The following RBMS3 variants were observed in gnomAD, a reference collection of about 807,000 sequenced individuals.
RBMS3 encodes RNA-binding motif, single-stranded-interacting protein 3.
RBMS3 carries 27 observed loss-of-function variants against 66.8 expected under a neutral mutation model. The observed-to-expected ratio is 0.40, with a 90% CI of 0.30 to 0.56. The LOEUF (loss-of-function observed/expected upper bound fraction) is 0.56, where lower values mean the gene tolerates loss of function less well. Ranked by LOEUF, RBMS3 falls within the 20% of genes least tolerant of loss-of-function variation. The pLI, the probability that RBMS3 is intolerant of heterozygous loss-of-function variation, is 0.40. For synonymous variants in RBMS3, 188 were observed against 183.0 expected, an observed-to-expected ratio of 1.03 and a Z score of -0.22; for missense variants, 513 against 549.5, an observed-to-expected ratio of 0.93 and a Z score of 0.66.
chr3:29,576,756 C>T (rs2047136412), intron 3 of RBMS3, among the ~76,000 whole-genome samples: 1 of 152,216 alleles, frequency 6.6e-6, no homozygotes, highest in Non-Finnish European at 1.5e-5. Context: ...CCTGTGGGCA[C>T]TGCCACCACT....
intron 4 of RBMS3, among the ~76,000 whole-genome samples, chr3:29,621,869 A>C (rs1481264451): frequency 6.6e-6 from 1 of 152,198 alleles, no homozygotes; most frequent in Non-Finnish European, 1.5e-5. Context: ...CACTTTATGG[A>C]ATTAGCTCCA....
intron 6 of RBMS3, among the ~76,000 whole-genome samples, chr3:29,863,593 C>T (rs572924725): frequency 7.1e-4 from 108 of 152,170 alleles, no homozygotes; most frequent in African/African-American, 2.5e-3. Flanking sequence ...CCCCAAATAT[C>T]AGGGTGGCTA....
At chr3:29,286,619 G>A (rs552796961) in intron 1 of RBMS3, among the ~76,000 whole-genome samples, 1 of 152,142 alleles carries the variant, frequency 6.6e-6, no homozygotes, top group South Asian at 2.1e-4. Flanking sequence ...TGTATCTGAG[G>A]GCTGGGGGTA....
chr3:29,754,363 C>A (rs2055316328), intron 5 of RBMS3, among the ~76,000 whole-genome samples: 1 of 152,200 alleles, frequency 6.6e-6, no homozygotes, highest in Non-Finnish European at 1.5e-5. Flanking sequence ...ACAAATGGAA[C>A]TCCTACCTTA....
At chr3:29,672,497 G>A (rs1203014266) in intron 4 of RBMS3, among the ~76,000 whole-genome samples, 5 of 152,120 alleles carry the variant, frequency 3.3e-5, no homozygotes, top group African/African-American at 1.2e-4. Flanking sequence ...CTTGCAAATT[G>A]GATAAAGAGT....
intron 4 of RBMS3, among the ~76,000 whole-genome samples, chr3:29,592,868 T>G (rs1334351438): frequency 2.0e-5 from 3 of 151,800 alleles, no homozygotes; most frequent in African/African-American, 7.3e-5. Flanking sequence ...GGGACATGGA[T>G]GAAGCTGGAA....
At chr3:29,609,177 T>C (rs2048409741) in intron 4 of RBMS3, among the ~76,000 whole-genome samples, 1 of 152,060 alleles carries the variant, frequency 6.6e-6, no homozygotes, top group African/African-American at 2.4e-5. Context: ...AGTTTCTAAA[T>C]GCTTACTCTG....
At chr3:29,629,252 C>A (rs2049189856) in intron 4 of RBMS3, among the ~76,000 whole-genome samples, 1 of 152,046 alleles carries the variant, frequency 6.6e-6, no homozygotes, top group Non-Finnish European at 1.5e-5. Flanking sequence ...GAATCCAGAG[C>A]CAGATGGAGC....
intron 1 of RBMS3, among the ~76,000 whole-genome samples, chr3:29,411,962 T>C (rs1216687763): frequency 1.3e-5 from 2 of 152,258 alleles, no homozygotes; most frequent in African/African-American, 4.8e-5. Context: ...AACTACATTG[T>C]AACAATGATT....
chr3:29,515,400 G>T (rs2044581975), intron 3 of RBMS3, among the ~76,000 whole-genome samples: 1 of 152,152 alleles, frequency 6.6e-6, no homozygotes, highest in Non-Finnish European at 1.5e-5. Context: ...CAAGGCTAGG[G>T]TAAAGAGCTT....
intron 2 of RBMS3, among the ~76,000 whole-genome samples, chr3:29,469,731 G>T (rs1405676399): frequency 1.3e-5 from 2 of 151,208 alleles, no homozygotes; most frequent in African/African-American, 4.8e-5. Flanking sequence ...GTTGCAGAGG[G>T]ATATTTTATT....
intron 5 of RBMS3, among the ~76,000 whole-genome samples, chr3:29,750,251 A>C (rs1406136073): frequency 6.6e-6 from 1 of 152,184 alleles, no homozygotes; most frequent in Admixed American, 6.5e-5. Flanking sequence ...TCTTTATTCA[A>C]GAATTCTTGT....
At chr3:29,448,950 C>T (rs908016195) in intron 2 of RBMS3, among the ~76,000 whole-genome samples, 4 of 152,286 alleles carry the variant, frequency 2.6e-5, no homozygotes, top group Non-Finnish European at 5.9e-5. Flanking sequence ...CTGTTTCTCC[C>T]TACCTGGGAG....
In RBMS3 at chr3:29,715,242, C is replaced by G. The variant is rs377455674; in HGVS notation, c.400-24478C>G. 1.6e-4 allele frequency among the ~76,000 whole-genome samples: 24 copies of G among 152,158 alleles called. No individual in the cohort carries two copies. In the South Asian group the frequency reaches 4.6e-3, roughly 29 times the overall value. On this transcript the variant is annotated intron_variant, in intron 4 of 14. Coordinates refer to ENST00000383767, the MANE Select transcript of RBMS3 (RefSeq NM_001003793.3). ...CTACCTCAGGGGTGCTCATATGTGC[C>G]AAGCATTCTGTGGGCATTTCACAAA...
rs1222102515 is a variant in RBMS3 at position 29,524,415 on chromosome 3, A to ATTTTTTTTTTTTT, written c.307+35933_307+35945dup. ...GGAAGATATGAGTGACTCCCTTTACATTTTTTTTTTTTTTTTTTTTTTTTT... is the reference window on the plus strand; with the variant it reads ...GGAAGATATGAGTGACTCCCTTTACATTTTTTTTTTTTTTTTTTTTTTTTTTTTTTTTTTTTTT... On this transcript the variant is annotated intron_variant, in intron 3 of 14. Transcript: ENST00000383767. Among the ~76,000 whole-genome samples the ATTTTTTTTTTTTT allele has an allele frequency of 3.9e-4, 22 of 57,110 alleles. 2 individuals carry two copies. Among genetic ancestry groups the ATTTTTTTTTTTTT allele is most frequent in the East Asian group, 1.9e-3 (3 of 1,586 alleles). The allele number at this position is 57,110 out of a possible 152,430, so 37.5% of individuals were successfully genotyped here.
intron 4 of RBMS3, among the ~76,000 whole-genome samples, chr3:29,652,730 G>A (rs77395999): frequency 0.017 from 2,522 of 152,208 alleles, 51 homozygotes; most frequent in African/African-American, 0.049. Context: ...TTGTTTTTGT[G>A]ACTAAAGCTC....
At chr3:29,338,097 G>T (rs2036059120) in intron 1 of RBMS3, among the ~76,000 whole-genome samples, 1 of 152,072 alleles carries the variant, frequency 6.6e-6, no homozygotes, top group South Asian at 2.1e-4. Flanking sequence ...TAGGGATCTG[G>T]GAACAAAATA....
intron 1 of RBMS3, among the ~76,000 whole-genome samples, chr3:29,415,216 A>G (rs913732693): frequency 2.0e-5 from 3 of 152,226 alleles, no homozygotes; most frequent in African/African-American, 4.8e-5. Flanking sequence ...ACAGAAAACA[A>G]GCAAACTGTA....
intron 1 of RBMS3, among the ~76,000 whole-genome samples, chr3:29,343,183 T>C (rs1010925398): frequency 6.6e-6 from 1 of 152,106 alleles, no homozygotes; most frequent in African/African-American, 2.4e-5. Context: ...ACACAGAGGT[T>C]ATGAGTTGTG....
Sources: allele counts gnomAD v4.1 joint callset (sites outside exome capture counted in the v4.1 genomes callset), GRCh38; gene constraint gnomAD v4.1.1; transcripts MANE v1.5; gene names NCBI Gene and HGNC (gene_info 2026-07-23, HGNC 2026-07-21).